SV2C: variants seen among roughly 807,000 people sequenced by gnomAD.
SV2C encodes solute carrier family 22 member B3.
A neutral mutation model predicts 79.7 loss-of-function variants in SV2C; 49 were observed. That is an observed-to-expected ratio of 0.61 (90% CI 0.49 to 0.78). The LOEUF is 0.78. SV2C is among the 30% of genes least tolerant of loss of function. The probability of loss-of-function intolerance (pLI) is 0.00; values close to 1 mark genes in which losing one functional copy is unlikely to be tolerated. For synonymous variants in SV2C, 334 were observed against 333.2 expected, an observed-to-expected ratio of 1.00 and a Z score of -0.03; for missense variants, 833 against 912.9, an observed-to-expected ratio of 0.91 and a Z score of 1.13.
the SV2C span, chr5:76,075,707 C>T: frequency 3.9e-5 from 14 of 360,302 alleles, no homozygotes; most frequent in Admixed American, 6.7e-5. Flanking sequence ...TACCCAGAAG[C>T]TAGAAAGAAG....
the SV2C span, among the ~76,000 whole-genome samples, chr5:76,017,965 A>G: frequency 6.6e-6 from 1 of 152,102 alleles, no homozygotes; most frequent in Non-Finnish European, 1.5e-5. Context: ...GAGGTGAGGC[A>G]TGAGGCATCC....
intron 4 of SV2C, among the ~76,000 whole-genome samples, chr5:76,267,118 G>C (rs1365381772): frequency 6.6e-6 from 1 of 152,204 alleles, no homozygotes; most frequent in Non-Finnish European, 1.5e-5. Flanking sequence ...CACACGACAT[G>C]TTTCCTGGTC....
At chr5:75,982,608 A>G in the SV2C span, among the ~76,000 whole-genome samples, 1 of 152,246 alleles carries the variant, frequency 6.6e-6, no homozygotes, top group Non-Finnish European at 1.5e-5. Flanking sequence ...CAATCCCATT[A>G]CTGGGTATAT....
At chr5:76,321,399 A>G (rs1461543786) in intron 12 of SV2C, among the ~76,000 whole-genome samples, 4 of 152,098 alleles carry the variant, frequency 2.6e-5, no homozygotes, top group African/African-American at 9.7e-5. Flanking sequence ...TCAGAAGGAA[A>G]TTCATACTCT....
intron 2 of SV2C, among the ~76,000 whole-genome samples, chr5:76,170,623 A>ATT (rs1743192239): frequency 6.8e-6 from 1 of 146,376 alleles, no homozygotes; most frequent in Non-Finnish European, 1.5e-5. Flanking sequence ...AAGGAAACAT[A>ATT]TAATAAGAGA....
At chr5:76,296,953 T>C (rs1376450529) in intron 9 of SV2C, among the ~76,000 whole-genome samples, 1 of 151,984 alleles carries the variant, frequency 6.6e-6, no homozygotes, top group Non-Finnish European at 1.5e-5. Flanking sequence ...TCCTCTGTGA[T>C]GCCAGGGTGA....
At chr5:76,289,549 A>G (rs1747481724) in intron 6 of SV2C, among the ~76,000 whole-genome samples, 1 of 152,144 alleles carries the variant, frequency 6.6e-6, no homozygotes, top group African/African-American at 2.4e-5. Flanking sequence ...CAAAAACTAT[A>G]TTCTTTCTTT....
intron 4 of SV2C, among the ~76,000 whole-genome samples, chr5:76,236,563 A>AG (rs138348963): frequency 0.12 from 17,634 of 151,634 alleles, 2,988 homozygotes; most frequent in African/African-American, 0.38. Context: ...CCCTGTATCA[A>AG]AAAAATAAAA....
At chr5:76,064,225 A>T in the SV2C span, among the ~76,000 whole-genome samples, 1 of 152,128 alleles carries the variant, frequency 6.6e-6, no homozygotes, top group Non-Finnish European at 1.5e-5. Flanking sequence ...AAATCTGAGA[A>T]AGGACTGGAG....
At chr5:75,851,124 A>T in the SV2C span, among the ~76,000 whole-genome samples, 1 of 152,200 alleles carries the variant, frequency 6.6e-6, no homozygotes, top group African/African-American at 2.4e-5. Context: ...TTCAGTTTTG[A>T]TGGAGTCATT....
At chr5:76,072,095 T>C in the SV2C span, among the ~76,000 whole-genome samples, 1 of 152,130 alleles carries the variant, frequency 6.6e-6, no homozygotes. Flanking sequence ...TTTGTTTGTT[T>C]TTTTAACTAA....
the SV2C span, among the ~76,000 whole-genome samples, chr5:75,902,359 G>A: frequency 6.6e-6 from 1 of 152,148 alleles, no homozygotes; most frequent in African/African-American, 2.4e-5. Context: ...AAGAAATTCA[G>A]GCTACTGTGC....
chr5:76,084,795 C>A (rs2112082675), intron 1 of SV2C, among the ~76,000 whole-genome samples: 1 of 151,006 alleles, frequency 6.6e-6, no homozygotes, highest in African/African-American at 2.4e-5. Flanking sequence ...GCGCGCCTGG[C>A]GCGGAGAGCG....
intron 4 of SV2C, among the ~76,000 whole-genome samples, chr5:76,253,557 A>G (rs955920583): frequency 2.0e-5 from 3 of 152,260 alleles, no homozygotes; most frequent in East Asian, 1.9e-4. Flanking sequence ...AAATTTTACC[A>G]TTTAGGATGG....
chr5:76,029,058 C>A, the SV2C span, among the ~76,000 whole-genome samples: 1 of 152,124 alleles, frequency 6.6e-6, no homozygotes, highest in Non-Finnish European at 1.5e-5. Context: ...TGAATACCAC[C>A]CATCCTGTCT....
intron 4 of SV2C, among the ~76,000 whole-genome samples, chr5:76,229,964 G>GA (rs933108408): frequency 1.7e-3 from 255 of 152,192 alleles, no homozygotes; most frequent in African/African-American, 6.0e-3. Context: ...TATGCCCGGA[G>GA]AAATTCACAT....
At chr5:76,139,441 G>A (rs180678200) in intron 2 of SV2C, among the ~76,000 whole-genome samples, 1 of 152,274 alleles carries the variant, frequency 6.6e-6, no homozygotes, top group Admixed American at 6.5e-5. Context: ...AAATATGCTG[G>A]CCAAAGATTG....
downstream of SV2C, among the ~76,000 whole-genome samples, chr5:76,335,067 G>A (rs58920274): frequency 1.0e-2 from 1,515 of 152,224 alleles, 29 homozygotes; most frequent in African/African-American, 0.035. Context: ...GTTACACTTA[G>A]CCACATTTCA....
At chr5:76,117,627 T>G (rs1002093966) in intron 1 of SV2C, among the ~76,000 whole-genome samples, 13 of 152,078 alleles carry the variant, frequency 8.5e-5, no homozygotes, top group Non-Finnish European at 1.6e-4. Flanking sequence ...ATAAAAAAAC[T>G]GAACAGATAC....
Sources: allele counts gnomAD v4.1 joint callset (sites outside exome capture counted in the v4.1 genomes callset), GRCh38; gene constraint gnomAD v4.1.1; transcripts MANE v1.5; gene names NCBI Gene and HGNC (gene_info 2026-07-23, HGNC 2026-07-21).